Variants in CNTNAP3 observed in about 807,000 individuals in gnomAD.
CNTNAP3 encodes the protein contactin associated protein family member 3.
A neutral mutation model predicts 92.1 loss-of-function variants in CNTNAP3; 36 were observed. That is an observed-to-expected ratio of 0.39 (90% CI 0.30 to 0.52). The LOEUF (loss-of-function observed/expected upper bound fraction) is 0.52. Among genes scored for constraint, CNTNAP3 ranks in the 20% least tolerant of loss-of-function variants. CNTNAP3 has a pLI of 0.76. For synonymous variants in CNTNAP3, 232 were observed against 422.3 expected, an observed-to-expected ratio of 0.55 and a Z score of 5.53; for missense variants, 534 against 1,069.6, an observed-to-expected ratio of 0.50 and a Z score of 6.98.
In CNTNAP3 at chr9:39,114,035, T is replaced by TACAC. The variant is rs767827479; in HGVS notation, c.2237+4064_2237+4067dup. Among the ~76,000 whole-genome samples the TACAC allele has an allele frequency of 1.4e-3, 199 of 141,536 alleles. 1 individual carries two copies. Among genetic ancestry groups the TACAC allele is most frequent in the African/African-American group, 3.2e-3 (116 of 36,038 alleles). The allele number at this position is 141,536 out of a possible 152,430, so 92.9% of individuals were successfully genotyped here. A position where few individuals can be genotyped will look rare whatever the true frequency, so the allele number is the denominator to read the frequency against. On this transcript the variant is annotated intron_variant, in intron 14 of 23. Coordinates refer to ENST00000297668, the MANE Select transcript of CNTNAP3 (RefSeq NM_033655.5). ...ACACACATATATATACACACATATA[T>TACAC]ACACACACACACACACACACATATA...
Position 39,085,949 on chromosome 9 carries a change from A to T in CNTNAP3, c.3355-126T>A. On this transcript the variant is annotated intron_variant, in intron 20 of 23. Transcript: ENST00000297668. The stretch of plus-strand genomic sequence containing the variant: ...TTTTAAGTACCATTACAAAAGCTCA[A>T]GAAGCCACCTTCAAATAATTAATCA... 4.4e-6 allele frequency: 4 copies of T among 905,542 alleles called. No homozygotes were observed. In the South Asian group the frequency reaches 5.9e-5, roughly 13 times the overall value. 56.1% of individuals were successfully genotyped at this position (905,542 alleles called of 1,614,324 possible). A position where few individuals can be genotyped will look rare whatever the true frequency, so the allele number is the denominator to read the frequency against.
At chr9:39,084,199 T>TTG (rs1481344948) in intron 21 of CNTNAP3, among the ~76,000 whole-genome samples, 3 of 123,236 alleles carry the variant, frequency 2.4e-5, no homozygotes, top group Non-Finnish European at 5.3e-5. Context: ...ACCAAGTTTT[T>TTG]TTTTTTTTTT....
intron 15 of CNTNAP3, among the ~76,000 whole-genome samples, chr9:39,105,371 G>A (rs1471332338): frequency 6.6e-6 from 1 of 152,184 alleles, no homozygotes; most frequent in Non-Finnish European, 1.5e-5. Flanking sequence ...AGCTTGCAGT[G>A]AGGTGAGATC....
chr9:39,130,597 T>C (rs59784028), intron 13 of CNTNAP3, among the ~76,000 whole-genome samples: 68,751 of 149,230 alleles, frequency 0.46, 17,487 homozygotes, highest in African/African-American at 0.69. Flanking sequence ...CTCCACCTCC[T>C]GGGTTCACGC....
At chr9:39,106,077 G>A (rs925153042) in intron 15 of CNTNAP3, among the ~76,000 whole-genome samples, 47 of 152,208 alleles carry the variant, frequency 3.1e-4, no homozygotes, top group African/African-American at 1.1e-3. Flanking sequence ...TCATTCCCCA[G>A]TGTGGAACCA....
intron 21 of CNTNAP3, among the ~76,000 whole-genome samples, chr9:39,081,093 T>A (rs1825922168): frequency 6.6e-6 from 1 of 151,738 alleles, no homozygotes; most frequent in Non-Finnish European, 1.5e-5. Context: ...TATACTTTGT[T>A]TAAGCTGGAA....
chr9:39,144,383 T>A lies in CNTNAP3; in HGVS notation c.1650-37A>T, dbSNP rs1352113161. On this transcript the variant is annotated intron_variant, in intron 10 of 23. Transcript: ENST00000297668. ...CAGATACAACTGCTGTTTCCCTTTT[T>A]CAATCATCAAAAAATAAGTGTCTTA... 1.1e-5 allele frequency: 16 copies of A among 1,497,876 alleles called. 1 individual carries two copies. In the East Asian group the frequency reaches 3.7e-4, roughly 35 times the overall value. The allele number at this position is 1,497,876 out of a possible 1,614,324, so 92.8% of individuals were successfully genotyped here.
At position 39,104,836 on chromosome 9, in the gene CNTNAP3, G is replaced by A. The variant is rs189772959; in HGVS notation, c.2366-922C>T. 7.3e-3 allele frequency among the ~76,000 whole-genome samples: 1,107 copies of A among 152,276 alleles called. 45 individuals are homozygous for A. The highest frequency in any genetic ancestry group is 0.066 in the Admixed American group (1,011 of 15,296). On this transcript the variant is annotated intron_variant, in intron 15 of 23. Coordinates refer to ENST00000297668, the MANE Select transcript of CNTNAP3 (RefSeq NM_033655.5). ...GTGTTCTCCTCAGTGTGTCGCAGCA[G>A]CAGGCAGCAATGCTGATCAGCCCAT...
chr9:39,099,333 T>C (rs1826398765), intron 18 of CNTNAP3, among the ~76,000 whole-genome samples: 1 of 152,166 alleles, frequency 6.6e-6, no homozygotes, highest in African/African-American at 2.4e-5. Context: ...GAGTCAAACA[T>C]CATAGAGCAC....
intron 14 of CNTNAP3, among the ~76,000 whole-genome samples, chr9:39,115,275 C>CT (rs1283666730): frequency 6.6e-6 from 1 of 151,298 alleles, no homozygotes; most frequent in East Asian, 1.9e-4. Context: ...TTATTATAAA[C>CT]TTTCCACCAG....
chr9:39,104,521 C>CAG (rs60788722), intron 15 of CNTNAP3, among the ~76,000 whole-genome samples: 1 of 149,552 alleles, frequency 6.7e-6, no homozygotes, highest in Non-Finnish European at 1.5e-5. Context: ...CACACACACA[C>CAG]TGTCTTAATT....
intron 4 of CNTNAP3, among the ~76,000 whole-genome samples, chr9:39,179,272 ACT>A (rs916761340): frequency 1.5e-5 from 1 of 68,172 alleles, no homozygotes; most frequent in African/African-American, 6.9e-5. Flanking sequence ...ATTCCTTAAA[ACT>A]CTCTCTCTCT....
chr9:39,129,655 T>G (rs1182962449), intron 13 of CNTNAP3, among the ~76,000 whole-genome samples: 1 of 152,088 alleles, frequency 6.6e-6, no homozygotes, highest in Non-Finnish European at 1.5e-5. Context: ...AATTAAAACT[T>G]TTGCTCTAAA....
At chr9:39,115,419 T>C (rs1820833114) in intron 14 of CNTNAP3, among the ~76,000 whole-genome samples, 2 of 151,514 alleles carry the variant, frequency 1.3e-5, no homozygotes, top group South Asian at 4.2e-4. Flanking sequence ...GTAAATTCCA[T>C]TTTTATAAAC....
intron 17 of CNTNAP3, among the ~76,000 whole-genome samples, chr9:39,100,607 G>T (rs1826431818): frequency 7.1e-6 from 1 of 141,364 alleles, no homozygotes; most frequent in Non-Finnish European, 1.6e-5. Flanking sequence ...AATATATATG[G>T]ATAATTTCTT....
At chr9:39,161,656 CAATAATAATAATAATAATAAT>C (rs4062749) in intron 9 of CNTNAP3, among the ~76,000 whole-genome samples, 31 of 124,342 alleles carry the variant, frequency 2.5e-4, no homozygotes, top group East Asian at 1.7e-3. Flanking sequence ...TCTCTACAAA[CAATAATAATAATAATAATAAT>C]AATAATAATA....
At position 39,103,828 on chromosome 9, in the gene CNTNAP3, A is replaced by G; in HGVS notation, c.2452T>C (p.Cys818Arg). ...GAAACTGTGGTCTTAAAAAAGAAGC[A>G]CACGTCAGCAGTGAGTTCTCCGTGG... ...AFHGELTADV[C>R]FFFKTTVSSG... The change falls in exon 16 of 24, where the codon TGC becomes CGC. Residue 818 changes from cysteine (C) to arginine (R), a missense_variant. Transcript: ENST00000297668. 1 of 1,611,164 alleles carries G rather than the reference A, an allele frequency of 6.2e-7. No homozygotes were observed. Among genetic ancestry groups the G allele is most frequent in the African/African-American group, 1.3e-5 (1 of 74,848 alleles).
chr9:39,122,889 T>G, intron 13 of CNTNAP3, among the ~76,000 whole-genome samples: 1 of 151,958 alleles, frequency 6.6e-6, no homozygotes, highest in East Asian at 1.9e-4. Flanking sequence ...AGATATGAAA[T>G]TTCAAAGAAT....
intron 13 of CNTNAP3, among the ~76,000 whole-genome samples, chr9:39,130,345 G>C (rs1168294881): frequency 4.6e-5 from 7 of 151,774 alleles, no homozygotes; most frequent in Non-Finnish European, 7.4e-5. Flanking sequence ...TTATGCAAAT[G>C]AATCTAGAGA....
Sources: gnomAD v4.1 joint callset for allele counts (sites outside exome capture counted in the v4.1 genomes callset) on GRCh38, gnomAD v4.1.1 for gene constraint, MANE v1.5 for transcripts, NCBI Gene and HGNC (gene_info 2026-07-23, HGNC 2026-07-21) for gene names.